Variants in MAPK6 observed in about 807,000 individuals in gnomAD.
MAPK6 encodes the protein mitogen-activated protein kinase 6, also known as ERK-3.
A neutral mutation model predicts 59.3 loss-of-function variants in MAPK6; 19 were observed. The ratio of observed to expected loss-of-function variants is 0.32; its 90% CI spans 0.22 to 0.47. MAPK6 has a LOEUF of 0.47. Ranked by LOEUF, MAPK6 falls within the 20% of genes least tolerant of loss-of-function variation. The pLI is 1.00. For synonymous variants in MAPK6, 316 were observed against 290.3 expected (o/e 1.09, Z -0.90); for missense variants, 724 against 847.9 (o/e 0.85, Z 1.81).
chr15:52,053,389 G>A (rs2031848839), intron 3 of MAPK6, among the ~76,000 whole-genome samples: 1 of 151,862 alleles, frequency 6.6e-6, no homozygotes, highest in Non-Finnish European at 1.5e-5. Flanking sequence ...TTGTGGTTTT[G>A]ATTTGCATTT....
At chr15:52,031,638 A>C (rs759767208) in intron 1 of MAPK6, among the ~76,000 whole-genome samples, 12 of 152,122 alleles carry the variant, frequency 7.9e-5, no homozygotes, top group Non-Finnish European at 1.8e-4. Flanking sequence ...CAAGACTAGC[A>C]TAGGCAACAT....
intron 2 of MAPK6, among the ~76,000 whole-genome samples, chr15:51,985,464 G>C (rs2057188080): frequency 6.7e-6 from 1 of 149,362 alleles, no homozygotes; most frequent in Non-Finnish European, 1.5e-5. Context: ...AGACCAGCCT[G>C]ACCAACATGG....
At chr15:52,047,092 G>A (rs1055616987) in intron 2 of MAPK6, 77 bp downstream of exon 2, 85 of 1,064,714 alleles carry the variant, frequency 8.0e-5, no homozygotes, top group Admixed American at 2.0e-4. Context: ...TATTTTCTTT[G>A]TATATTGTGG....
intron 1 of MAPK6, among the ~76,000 whole-genome samples, chr15:51,982,499 C>A (rs2057177449): frequency 6.6e-6 from 1 of 152,178 alleles, no homozygotes; most frequent in Non-Finnish European, 1.5e-5. Context: ...GGTACACACA[C>A]ATACACACTC....
intron 5 of MAPK6, among the ~76,000 whole-genome samples, chr15:52,062,437 T>TTTTGATGTTTC: frequency 6.6e-6 from 1 of 152,268 alleles, no homozygotes; most frequent in East Asian, 1.9e-4. Context: ...GTTATCCATA[T>TTTTGATGTTTC]TTTGATGTTT....
chr15:52,061,796 T>TTAATATTTATATCTA (rs1448100738), intron 5 of MAPK6, among the ~76,000 whole-genome samples: 1 of 152,130 alleles, frequency 6.6e-6, no homozygotes, highest in Non-Finnish European at 1.5e-5. Context: ...GTAATGGTCC[T>TTAATATTTATATCTA]TAATATTTAT....
chr15:52,031,306 C>T (rs4491448), intron 1 of MAPK6, among the ~76,000 whole-genome samples: 1,601 of 152,224 alleles, frequency 0.011, 42 homozygotes, highest in East Asian at 0.064. Flanking sequence ...ATGTACTATA[C>T]TTGTCAATAA....
chr15:52,043,793 G>T (rs1392692075), intron 1 of MAPK6, among the ~76,000 whole-genome samples: 2 of 100,438 alleles, frequency 2.0e-5, no homozygotes, highest in Non-Finnish European at 3.6e-5. Context: ...GAGTCTCGCT[G>T]TGTCCCCCAG....
At chr15:51,974,973 C>T (rs1052927042) in intron 1 of MAPK6, among the ~76,000 whole-genome samples, 1 of 151,416 alleles carries the variant, frequency 6.6e-6, no homozygotes, top group Admixed American at 6.6e-5. Context: ...CCACCTCAAC[C>T]TCCCAAATGC....
intron 3 of MAPK6, among the ~76,000 whole-genome samples, chr15:52,055,460 A>G (rs1481513625): frequency 1.3e-5 from 2 of 152,232 alleles, no homozygotes; most frequent in Non-Finnish European, 2.9e-5. Context: ...TCATGCTCCA[A>G]GTCATAGAAG....
At chr15:51,990,021 T>C (rs976473335) in intron 2 of MAPK6, among the ~76,000 whole-genome samples, 1 of 152,188 alleles carries the variant, frequency 6.6e-6, no homozygotes, top group Non-Finnish European at 1.5e-5. Flanking sequence ...ACACCAAAAG[T>C]CCATTGTTTT....
At position 52,055,332 on chromosome 15, in the gene MAPK6, G is replaced by A. The variant is rs145438319; in HGVS notation, c.701-3301G>A. On this transcript the variant is annotated intron_variant, in intron 3 of 5. Coordinates refer to ENST00000261845, the MANE Select transcript of MAPK6 (RefSeq NM_002748.4). ...TCAGGTGGGAGGATTGCTTGAGCCC[G>A]GCAGGTCAAGGCTACAGTGAGCTGT... is the stretch of plus-strand genomic sequence containing the variant. Among the ~76,000 whole-genome samples the A allele has an allele frequency of 5.9e-5, 9 of 152,262 alleles. 1 individual carries two copies. The highest frequency in any genetic ancestry group is 2.1e-4 in the South Asian group (1 of 4,832).
At chr15:51,972,498 A>C (rs2057135736) in intron 1 of MAPK6, among the ~76,000 whole-genome samples, 1 of 145,422 alleles carries the variant, frequency 6.9e-6, no homozygotes, top group African/African-American at 2.6e-5. Flanking sequence ...AATAATATAC[A>C]TGTTAACAAA....
At chr15:52,030,314 C>T (rs909082002) in intron 1 of MAPK6, among the ~76,000 whole-genome samples, 3 of 152,172 alleles carry the variant, frequency 2.0e-5, no homozygotes, top group Admixed American at 6.5e-5. Flanking sequence ...GCAGAAGAAC[C>T]TTGTCTGTCT....
At chr15:52,034,179 T>G (rs1313701979) in intron 1 of MAPK6, among the ~76,000 whole-genome samples, 2 of 151,980 alleles carry the variant, frequency 1.3e-5, no homozygotes, top group Non-Finnish European at 2.9e-5. Context: ...GAGACAGAGT[T>G]TCACCATGTT....
chr15:51,979,534 T>C (rs975197061), intron 1 of MAPK6, among the ~76,000 whole-genome samples: 3 of 151,810 alleles, frequency 2.0e-5, no homozygotes, highest in South Asian at 2.1e-4. Flanking sequence ...GGCTCATGCC[T>C]GTAATCCTAG....
chr15:51,999,449 A>G, intron 2 of MAPK6, among the ~76,000 whole-genome samples: 1 of 152,174 alleles, frequency 6.6e-6, no homozygotes, highest in East Asian at 1.9e-4. Context: ...ATGTCTATCA[A>G]ATCCTTTGCC....
intron 1 of MAPK6, among the ~76,000 whole-genome samples, chr15:52,038,460 C>T (rs1450255329): frequency 1.3e-5 from 2 of 152,128 alleles, no homozygotes; most frequent in East Asian, 3.8e-4. Flanking sequence ...GTGAGATAGT[C>T]TTACTTTTCT....
intron 3 of MAPK6, among the ~76,000 whole-genome samples, chr15:52,005,617 C>A (rs1348694092): frequency 6.6e-6 from 1 of 152,102 alleles, no homozygotes; most frequent in Non-Finnish European, 1.5e-5. Context: ...ACTAACAGCA[C>A]CCCTTATTTA....
Sources: allele counts gnomAD v4.1 joint callset (sites outside exome capture counted in the v4.1 genomes callset), GRCh38; gene constraint gnomAD v4.1.1; transcripts MANE v1.5; gene names NCBI Gene and HGNC (gene_info 2026-07-23, HGNC 2026-07-21).